The following FANCE variants were observed in gnomAD, a reference collection of about 807,000 sequenced individuals.
FANCE encodes the protein Fanconi anemia group E protein.
Under a neutral mutation model 57.8 loss-of-function variants are expected in FANCE, and 42 were observed. The observed-to-expected ratio is 0.73, with a 90% CI of 0.57 to 0.94. The LOEUF is 0.94. Among genes scored for constraint, FANCE ranks in the 40% least tolerant of loss-of-function variants. The probability of loss-of-function intolerance (pLI) is 0.00; values close to 1 mark genes in which losing one functional copy is unlikely to be tolerated. For missense variants in FANCE, 608 were observed against 661.8 expected (o/e 0.92, Z 0.89); for synonymous variants, 251 against 286.4 (o/e 0.88, Z 1.25).
chr6:35,461,010 C>T (rs1326989963), intron 8 of FANCE, among the ~76,000 whole-genome samples: 1 of 152,108 alleles, frequency 6.6e-6, no homozygotes, highest in East Asian at 1.9e-4. Flanking sequence ...CCTCTGCCTA[C>T]TGGGTTCAAG....
Position 35,457,593 on chromosome 6 carries a change from T to C in FANCE, c.893T>C (p.Leu298Ser). The change falls in exon 3 of 10, where the codon TTG becomes TCG. Residue 298 changes from leucine to serine, a missense_variant. By Grantham distance (145) the Leu-to-Ser change is moderately radical. Coordinates refer to ENST00000229769, the MANE Select transcript of FANCE (RefSeq NM_021922.3). The stretch of plus-strand genomic sequence containing the variant: ...AGGCTGCAGCAGCTGCTGAAGACCT[T>C]GGAGGAGGTGACTGGCCCCACAGTG... Reference protein sequence around the residue: ...LPRLQQLLKTLEEGLEGLEDA... With the variant: ...LPRLQQLLKTSEEGLEGLEDA... The C allele has an allele frequency of 6.2e-7, 1 of 1,613,844 alleles. No individual in the cohort carries two copies. The highest frequency in any genetic ancestry group is 8.5e-7 in the Non-Finnish European group (1 of 1,179,986).
In FANCE at chr6:35,460,611, A is replaced by G. The variant is rs1767552275; in HGVS notation, c.1376A>G (p.Glu459Gly). The stretch of plus-strand genomic sequence containing the variant: ...TTCTTGGTGTTGCAGTCACTCCTAG[A>G]GCGGCAGGTGAGCAGGCTGCCCTGG... Reference protein sequence around the residue: ...ETFLVLQSLLERQVEMTPEKF... With the variant: ...ETFLVLQSLLGRQVEMTPEKF... Residue 459 changes from glutamate (E) to glycine (G), a missense_variant, in exon 8 of 10, where the codon GAG (glutamate) becomes GGG (glycine). By Grantham distance (98) the Glu-to-Gly change is moderately conservative (BLOSUM62 -2). Transcript: ENST00000229769. The G allele has an allele frequency of 6.2e-7, 1 of 1,613,764 alleles. No homozygotes were observed. The highest frequency in any genetic ancestry group is 8.5e-7 in the Non-Finnish European group (1 of 1,179,908).
chr6:35,458,070 G>A, intron 4 of FANCE, 86 bp downstream of exon 4: 2 of 1,340,034 alleles, frequency 1.5e-6, no homozygotes, highest in African/African-American at 1.4e-5. Flanking sequence ...CCTACCTCAT[G>A]TGGGAAATGT....
intron 4 of FANCE, 144 bp from the exon 5 acceptor site, chr6:35,458,153 C>A: frequency 7.7e-7 from 1 of 1,306,130 alleles, no homozygotes; most frequent in Non-Finnish European, 1.1e-6. Flanking sequence ...CCCTTGGTTC[C>A]TTCCCCTAGG....
In FANCE at chr6:35,462,801, C is replaced by A; in HGVS notation, c.1396C>A (p.Pro466Thr). The part of the protein sequence containing the change: ...SLLERQVEMT[P>T]EKFSVLMEKL... ...CCAATGTGTGCAGGTGGAGATGACC[C>A]CTGAGAAGTTCAGTGTCTTAATGGA... The change falls in exon 9 of 10, where the codon CCT becomes ACT. Residue 466 changes from proline (P) to threonine (T), a missense_variant. Pro to Thr is a conservative substitution (Grantham distance 38). Transcript: ENST00000229769. 1 of 1,614,100 alleles carries A rather than the reference C, an allele frequency of 6.2e-7. No individual in the cohort carries two copies. The highest frequency in any genetic ancestry group is 1.3e-5 in the African/African-American group (1 of 75,048).
chr6:35,458,091 TTTG>T (rs1767421757), intron 4 of FANCE, 107 bp downstream of exon 4: 5 of 1,301,736 alleles, frequency 3.8e-6, no homozygotes, highest in Non-Finnish European at 5.5e-6. Context: ...GGGAGGGGAT[TTTG>T]TTGTTTTCTC....
intron 1 of FANCE, among the ~76,000 whole-genome samples, chr6:35,455,410 C>T (rs1184401936): frequency 4.6e-5 from 7 of 152,056 alleles, no homozygotes; most frequent in Admixed American, 1.3e-4. Flanking sequence ...CGGGTTCAAG[C>T]GATTCTCCTG....
At chr6:35,458,234 A>G in intron 4 of FANCE, 63 bp from the exon 5 acceptor site, 1 of 1,600,428 alleles carries the variant, frequency 6.2e-7, no homozygotes, top group Non-Finnish European at 8.5e-7. Context: ...GTTGCTTGAG[A>G]CAGCCTAGCA....
Position 35,456,311 on chromosome 6 carries a change from T to C in FANCE, c.813T>C (p.Ala271=). 1.9e-6 allele frequency: 3 copies of C among 1,614,202 alleles called. 1 individual carries two copies. In the South Asian group the frequency reaches 3.3e-5, roughly 18 times the overall value. The change falls in exon 2 of 10, where the codon GCT becomes GCC. Residue 271 remains alanine, a synonymous_variant. Transcript: ENST00000229769. The surrounding 1 kb of genome is among the most constrained non-coding windows in gnomAD (Gnocchi z 4.3). ...AGGACGGTTCGAATCTGGATGATGC[T>C]AAAGGTCTGGCTGAGAGTTTGGAGT... The part of the protein sequence containing the change: ...TGEDGSNLDD[A]KGLAESLELP...
rs59757151 is a variant in FANCE at position 35,464,299 on chromosome 6, C to T, written c.1509+1385C>T. On this transcript the variant is annotated intron_variant, in intron 9 of 9. Transcript: ENST00000229769. ...TGTTGCCCAGGCTAGAGTGCAGTGG[C>T]GCATCTCGGCTCACTGCAAGCTCCG... is the stretch of plus-strand genomic sequence containing the variant. Among the ~76,000 whole-genome samples the T allele has an allele frequency of 6.7e-3, 889 of 132,788 alleles. 7 individuals carry two copies. The highest frequency in any genetic ancestry group is 0.018 in the African/African-American group (625 of 35,088). 87.1% of individuals were successfully genotyped at this position (132,788 alleles called of 152,430 possible).
intron 9 of FANCE, among the ~76,000 whole-genome samples, chr6:35,463,390 G>C (rs1342530062): frequency 6.6e-6 from 1 of 152,168 alleles, no homozygotes; most frequent in Non-Finnish European, 1.5e-5. Flanking sequence ...GACTGCTTAG[G>C]AGTTCATTCA....
At chr6:35,462,295 ACGGATTTCACCATGTTGGCCAGG>A (rs966367673) in intron 8 of FANCE, among the ~76,000 whole-genome samples, 1 of 151,432 alleles carries the variant, frequency 6.6e-6, no homozygotes, top group Non-Finnish European at 1.5e-5. Flanking sequence ...TTTAATAGAG[ACGGATTTCACCATGTTGGCCAGG>A]CTGGTCTGGA....
At chr6:35,458,178 C>T (rs924023870) in intron 4 of FANCE, 119 bp from the exon 5 acceptor site, 58 of 1,449,926 alleles carry the variant, frequency 4.0e-5, no homozygotes, top group Non-Finnish European at 5.6e-5. Flanking sequence ...CTCTCCCAGA[C>T]TTTCTTTGCC....
At chr6:35,459,264 T>C in intron 5 of FANCE, 67 bp from the exon 6 acceptor site, 1 of 1,580,312 alleles carries the variant, frequency 6.3e-7, no homozygotes, top group African/African-American at 1.3e-5. Context: ...ATCTGAAATG[T>C]GCATTTGATA....
chr6:35,463,927 G>T (rs551908464), intron 9 of FANCE, among the ~76,000 whole-genome samples: 88 of 152,190 alleles, frequency 5.8e-4, no homozygotes, highest in Non-Finnish European at 1.2e-3. Flanking sequence ...GCCTCCAAAA[G>T]TGCTGGGATT....
chr6:35,461,448 G>A (rs6914178), intron 8 of FANCE, among the ~76,000 whole-genome samples: 21,900 of 152,042 alleles, frequency 0.14, 2,940 homozygotes, highest in African/African-American at 0.36. Flanking sequence ...AGGGGAATCC[G>A]CCCCCCTCCA....
chr6:35,456,200 C>T lies in FANCE; in HGVS notation c.702C>T (p.Pro234=), dbSNP rs1193057302. The T allele has an allele frequency of 9.3e-6, 15 of 1,614,158 alleles. No individual in the cohort carries two copies. Among genetic ancestry groups the T allele is most frequent in the Non-Finnish European group, 1.2e-5 (14 of 1,180,018 alleles). The change falls in exon 2 of 10, where the codon CCC becomes CCT. Residue 234 remains proline (P), a synonymous_variant. Coordinates refer to ENST00000229769, the MANE Select transcript of FANCE (RefSeq NM_021922.3). This position sits in a 1 kb window ranked among gnomAD's most constrained non-coding sequence, Gnocchi z 4.3. ...AAGAAGATCATGAGAAGGAGAGACCCGAACATAAGTCACTGGAATCCCTGG... is the reference window on the plus strand; with the variant it reads ...AAGAAGATCATGAGAAGGAGAGACCTGAACATAAGTCACTGGAATCCCTGG... The part of the protein sequence containing the change: ...EEEEDHEKER[P]EHKSLESLAD...
In FANCE at chr6:35,466,952, G is replaced by C. The variant is rs1478322841; in HGVS notation, c.*607G>C. On this transcript the variant is annotated 3_prime_UTR_variant, in exon 10 of 10. Coordinates refer to ENST00000229769, the MANE Select transcript of FANCE (RefSeq NM_021922.3). ...CGATAGGGCTCAGTAGGATCAAGCC[G>C]ACCCAGAGTGGGCATGGGATGCTCC... 8.9e-6 allele frequency: 2 copies of C among 225,060 alleles called. No individual in the cohort carries two copies. The highest frequency in any genetic ancestry group is 1.8e-5 in the Non-Finnish European group (2 of 112,866). 13.9% of individuals were successfully genotyped at this position (225,060 alleles called of 1,614,324 possible). A position where few individuals can be genotyped will look rare whatever the true frequency, so the allele number is the denominator to read the frequency against.
At chr6:35,455,639 G>C in intron 1 of FANCE, 108 bp from the exon 2 acceptor site, 2 of 1,335,512 alleles carry the variant, frequency 1.5e-6, no homozygotes, top group Non-Finnish European at 2.1e-6. Context: ...CAGATACTGC[G>C]TGCCAGCCCC....
Sources: allele counts gnomAD v4.1 joint callset (sites outside exome capture counted in the v4.1 genomes callset), GRCh38; gene constraint gnomAD v4.1.1; non-coding constraint Gnocchi (gnomAD v3.1); transcripts MANE v1.5; gene names NCBI Gene and HGNC (gene_info 2026-07-23, HGNC 2026-07-21).